The following LLGL2 variants were observed in gnomAD, a reference collection of about 807,000 sequenced individuals.
LLGL2 encodes the protein LLGL scribble cell polarity complex component 2, also known as LLGL2, scribble cell polarity complex component.
Under a neutral mutation model 123.2 loss-of-function variants are expected in LLGL2, and 81 were observed. That is an observed-to-expected ratio of 0.66 (90% CI 0.55 to 0.79). LLGL2 has a LOEUF of 0.79. LLGL2 is among the 30% of genes least tolerant of loss of function. LLGL2 has a pLI of 0.00. For missense variants in LLGL2, 1,273 were observed against 1,414.6 expected, an observed-to-expected ratio of 0.90 and a Z score of 1.61; for synonymous variants, 577 against 594.1, an observed-to-expected ratio of 0.97 and a Z score of 0.42.
chr17:75,574,395 G>A (rs1450619253), intron 23 of LLGL2, 58 bp from the exon 24 acceptor site: 22 of 1,544,784 alleles, frequency 1.4e-5, no homozygotes, highest in Non-Finnish European at 1.9e-5. Flanking sequence ...GGGGTGGAAG[G>A]GCTGTGGCTA....
At chr17:75,574,322 G>A in intron 23 of LLGL2, 62 bp downstream of exon 23, 1 of 1,525,086 alleles carries the variant, frequency 6.6e-7, no homozygotes. Context: ...TCAGGGTCAA[G>A]GGAGGCTGGG....
At chr17:75,533,740 T>G (rs1830847852) in intron 1 of LLGL2, 3 of 152,230 alleles carry the variant, frequency 2.0e-5, no homozygotes, top group Admixed American at 1.3e-4. Flanking sequence ...TAAAAGTAAC[T>G]AATAAATTGT....
chr17:75,574,163 G>A (rs1350141958), intron 22 of LLGL2, 50 bp from the exon 23 acceptor site: 3 of 1,518,136 alleles, frequency 2.0e-6, no homozygotes, highest in Non-Finnish European at 2.7e-6. Flanking sequence ...GAGAGAGCCA[G>A]GCCGAGGAGG....
chr17:75,547,339 G>T (rs1047283603), intron 2 of LLGL2, among the ~76,000 whole-genome samples: 3 of 152,230 alleles, frequency 2.0e-5, no homozygotes, highest in African/African-American at 7.2e-5. Context: ...TAGTGGTTAG[G>T]GGCAGGGACT....
intron 1 of LLGL2, among the ~76,000 whole-genome samples, chr17:75,539,917 T>C (rs919596617): frequency 2.0e-5 from 3 of 152,286 alleles, no homozygotes; most frequent in Admixed American, 1.3e-4. Flanking sequence ...TTGGAAATCA[T>C]CCCATTTTCT....
At chr17:75,539,413 C>CT (rs1254885147) in intron 1 of LLGL2, among the ~76,000 whole-genome samples, 1,840 of 141,386 alleles carry the variant, frequency 0.013, 36 homozygotes, top group African/African-American at 0.045. Flanking sequence ...ATGTCCTTTC[C>CT]TTTTTTTTTT....
At position 75,564,123 on chromosome 17, in the gene LLGL2, TG is replaced by T. The variant is rs1228443870; in HGVS notation, c.882-225del. On this transcript the variant is annotated intron_variant, in intron 9 of 25. Transcript: ENST00000392550. This position sits in a 1 kb window ranked among gnomAD's most constrained non-coding sequence, Gnocchi z 4.9. ...CTGGGTGATGTTCAAACAGAATTGG[TG>T]GGGGCACCCAGCATGAGGCAGGAGT... Among the ~76,000 whole-genome samples, 1 of 152,188 alleles carries T rather than the reference TG, an allele frequency of 6.6e-6. No individual in the cohort carries two copies. Among genetic ancestry groups the T allele is most frequent in the African/African-American group, 2.4e-5 (1 of 41,452 alleles).
chr17:75,562,833 G>A, intron 6 of LLGL2, 183 bp from the exon 7 acceptor site: 1 of 721,248 alleles, frequency 1.4e-6, no homozygotes, highest in African/African-American at 1.8e-5. Context: ...GGCTCCCAAA[G>A]TGCTGGGATT....
chr17:75,548,372 G>A (rs992055890), intron 2 of LLGL2, among the ~76,000 whole-genome samples: 37 of 151,264 alleles, frequency 2.4e-4, no homozygotes, highest in African/African-American at 9.0e-4. Flanking sequence ...CTGCCTCCCG[G>A]GTTCAAGGGA....
chr17:75,536,077 A>T (rs953011492), intron 1 of LLGL2, among the ~76,000 whole-genome samples: 2 of 152,260 alleles, frequency 1.3e-5, no homozygotes, highest in Non-Finnish European at 2.9e-5. Flanking sequence ...GGAACAGAGC[A>T]GGGCAGAACA....
At chr17:75,573,656 T>TGA in intron 21 of LLGL2, 25 bp downstream of exon 21, 1 of 1,429,140 alleles carries the variant, frequency 7.0e-7, no homozygotes, top group Non-Finnish European at 9.3e-7. Flanking sequence ...CAGAGGCCTC[T>TGA]CCCGCCCCTC....
At chr17:75,571,848 C>G in intron 18 of LLGL2, 50 bp from the exon 19 acceptor site, 1 of 1,604,728 alleles carries the variant, frequency 6.2e-7, no homozygotes, top group Non-Finnish European at 8.5e-7. Flanking sequence ...GGGAGTGGCT[C>G]CAGCCCTGCC....
At chr17:75,539,430 A>G (rs1235489847) in intron 1 of LLGL2, among the ~76,000 whole-genome samples, 8 of 147,748 alleles carry the variant, frequency 5.4e-5, no homozygotes, top group Admixed American at 5.4e-4. Context: ...TTTTAGAGAC[A>G]GGGTCTCACT....
At chr17:75,557,433 C>T (rs916570410) in intron 3 of LLGL2, among the ~76,000 whole-genome samples, 4 of 152,026 alleles carry the variant, frequency 2.6e-5, no homozygotes, top group African/African-American at 4.8e-5. Context: ...TGGTTCTGGC[C>T]GACTGGGGGC....
chr17:75,525,491 C>G (rs979098768), upstream of LLGL2, among the ~76,000 whole-genome samples: 1 of 151,582 alleles, frequency 6.6e-6, no homozygotes, highest in Non-Finnish European at 1.5e-5. The surrounding 1 kb of genome is among the most constrained non-coding windows in gnomAD (Gnocchi z 4.8). Flanking sequence ...CAGGTGAGGC[C>G]GGGGCGGGCC....
chr17:75,549,877 C>T lies in LLGL2; in HGVS notation c.76-6169C>T, dbSNP rs375713584. On this transcript the variant is annotated intron_variant, in intron 2 of 25. Transcript: ENST00000392550. The surrounding 1 kb of genome is among the most constrained non-coding windows in gnomAD (Gnocchi z 4.0). ...CCTTCCGGGACCTGGAAAGGAGTCC[C>T]AGAGCCCAGGAGAGACGGGCCTTCT... Among the ~76,000 whole-genome samples, 64 of 152,346 alleles carry T rather than the reference C, an allele frequency of 4.2e-4. 1 individual carries two copies. In the South Asian group the frequency reaches 0.011, roughly 26 times the overall value.
intron 1 of LLGL2, among the ~76,000 whole-genome samples, chr17:75,535,727 GC>G (rs1243869749): frequency 6.6e-6 from 1 of 152,224 alleles, no homozygotes; most frequent in Non-Finnish European, 1.5e-5. Context: ...CTCTCTCTCT[GC>G]CCCCACTGGT....
rs916283871 is a variant in LLGL2, at chr17:75,555,326, G to A, written c.76-720G>A. 3.5e-5 allele frequency among the ~76,000 whole-genome samples: 5 copies of A among 144,204 alleles called. No individual in the cohort carries two copies. The South Asian group carries it at 1.1e-3, about 31-fold the overall frequency. 94.6% of individuals were successfully genotyped at this position (144,204 alleles called of 152,430 possible). A position where few individuals can be genotyped will look rare whatever the true frequency, so the allele number is the denominator to read the frequency against. On this transcript the variant is annotated intron_variant, in intron 2 of 25. Coordinates refer to ENST00000392550, the MANE Select transcript of LLGL2 (RefSeq NM_001031803.2). Reference sequence around the variant, plus strand: ...TTTTTTTGAGACGGAGTCTCGCTCTGTCGCCCAGGCTGCTCTGCCTGCCGG... The same window carrying A: ...TTTTTTTGAGACGGAGTCTCGCTCTATCGCCCAGGCTGCTCTGCCTGCCGG...
chr17:75,539,261 A>G (rs1412061904), intron 1 of LLGL2, among the ~76,000 whole-genome samples: 3 of 152,082 alleles, frequency 2.0e-5, no homozygotes, highest in Non-Finnish European at 2.9e-5. Flanking sequence ...GGGTCTCCCT[A>G]TGTTGCCCTG....
Sources: allele counts gnomAD v4.1 joint callset (sites outside exome capture counted in the v4.1 genomes callset), GRCh38; gene constraint gnomAD v4.1.1; non-coding constraint Gnocchi (gnomAD v3.1); transcripts MANE v1.5; gene names NCBI Gene and HGNC (gene_info 2026-07-23, HGNC 2026-07-21).